PCM1: variants seen among roughly 807,000 people sequenced by gnomAD.
The protein encoded by PCM1 is pericentriolar material 1 protein.
In PCM1, 157 loss-of-function variants were observed where a neutral mutation model predicts 241.9. The ratio of observed to expected loss-of-function variants is 0.65; its 90% CI spans 0.57 to 0.74. The LOEUF (loss-of-function observed/expected upper bound fraction) is 0.74. Ranked by LOEUF, PCM1 falls within the 30% of genes least tolerant of loss-of-function variation. The pLI, the probability that PCM1 is intolerant of heterozygous loss-of-function variation, is 0.00. For missense variants in PCM1, 3,478 were observed against 2,360.1 expected, an observed-to-expected ratio of 1.47 and a Z score of -9.81; for synonymous variants, 1,085 against 784.9, an observed-to-expected ratio of 1.38 and a Z score of -6.39.
intron 2 of PCM1, among the ~76,000 whole-genome samples, chr8:17,928,264 A>G (rs2129446124): frequency 6.6e-6 from 1 of 152,362 alleles, no homozygotes; most frequent in African/African-American, 2.4e-5. Flanking sequence ...TATGTGTTAT[A>G]TGAGTGAATA....
At position 17,991,557 on chromosome 8, in the gene PCM1, A is replaced by G; in HGVS notation, c.4547A>G (p.His1516Arg). The stretch of plus-strand genomic sequence containing the variant: ...CCAAATGTAGGTAACACCGTGATTC[A>G]CTTAGATCAAGCATTAGCCAGAATG... ...ATDDLGNTVI[H>R]LDQALARMRE... The change falls in exon 28 of 39, where the codon CAC (histidine) becomes CGC (arginine). Residue 1516 changes from histidine to arginine, a missense_variant. Transcript: ENST00000325083. The G allele has an allele frequency of 6.2e-7, 1 of 1,601,688 alleles. No homozygotes were observed. The highest frequency in any genetic ancestry group is 8.5e-7 in the Non-Finnish European group (1 of 1,173,622).
At chr8:18,018,735 C>T (rs1226541838) in intron 36 of PCM1, among the ~76,000 whole-genome samples, 3 of 150,232 alleles carry the variant, frequency 2.0e-5, no homozygotes, top group Admixed American at 6.7e-5. Flanking sequence ...CGCTTGAACC[C>T]GGGAGGTGGA....
chr8:18,017,267 T>C (rs1479938790), intron 36 of PCM1, among the ~76,000 whole-genome samples: 2 of 152,216 alleles, frequency 1.3e-5, no homozygotes, highest in African/African-American at 2.4e-5. Context: ...AACATTCTGG[T>C]CTTAAAATAC....
intron 20 of PCM1, 133 bp from the exon 21 acceptor site, chr8:17,966,847 C>T (rs1443170685): frequency 1.6e-5 from 12 of 766,250 alleles, no homozygotes; most frequent in African/African-American, 5.3e-5. Context: ...AGAGCAAGCA[C>T]GTATTTGTTA....
chr8:18,001,442 A>G (rs1180734665), intron 29 of PCM1, among the ~76,000 whole-genome samples: 1 of 152,208 alleles, frequency 6.6e-6, no homozygotes, highest in Admixed American at 6.5e-5. Flanking sequence ...TAACCAGTTT[A>G]TATTCCCATC....
chr8:17,992,251 C>T (rs946398732), intron 28 of PCM1, among the ~76,000 whole-genome samples: 4 of 152,124 alleles, frequency 2.6e-5, no homozygotes, highest in African/African-American at 9.7e-5. Context: ...TTCTTCTGGG[C>T]AGATACCTAG....
intron 36 of PCM1, among the ~76,000 whole-genome samples, chr8:18,018,911 T>TATATAA (rs748291486): frequency 3.8e-4 from 47 of 125,124 alleles, no homozygotes; most frequent in Admixed American, 8.8e-4. Context: ...TATATATATA[T>TATATAA]AAATATATAA....
rs1167046456 is a variant in PCM1 at position 17,961,924 on chromosome 8, A to G, written c.2323-110A>G. On this transcript the variant is annotated intron_variant, in intron 15 of 38. Coordinates refer to ENST00000325083, the MANE Select transcript of PCM1 (RefSeq NM_006197.4). ...ATGATGGAAGTCAGGGTCTGATAGCAGATTAAATATGGCACTAGAGCCTTA... is the reference window on the plus strand; with the variant it reads ...ATGATGGAAGTCAGGGTCTGATAGCGGATTAAATATGGCACTAGAGCCTTA... 6 of 790,288 alleles carry G rather than the reference A, an allele frequency of 7.6e-6. No individual in the cohort carries two copies. In the East Asian group the frequency reaches 1.8e-4, roughly 23 times the overall value. 49.0% of individuals were successfully genotyped at this position (790,288 alleles called of 1,614,324 possible). A position where few individuals can be genotyped will look rare whatever the true frequency, so the allele number is the denominator to read the frequency against.
At chr8:17,974,468 A>G (rs777422277) in intron 23 of PCM1, among the ~76,000 whole-genome samples, 1 of 152,208 alleles carries the variant, frequency 6.6e-6, no homozygotes. Flanking sequence ...CCTTAGGAAT[A>G]CAGTTTTAAG....
At chr8:17,940,040 A>G in intron 6 of PCM1, 179 bp downstream of exon 6, 1 of 1,544,586 alleles carries the variant, frequency 6.5e-7, no homozygotes, top group Non-Finnish European at 8.8e-7. Context: ...AAAATATTTC[A>G]GGCTAGAGAA....
At chr8:17,950,384 C>T (rs146112481) in intron 7 of PCM1, among the ~76,000 whole-genome samples, 247 of 152,294 alleles carry the variant, frequency 1.6e-3, no homozygotes, top group African/African-American at 5.5e-3. Context: ...TATGTTGGGA[C>T]AGGAAAAGAT....
intron 2 of PCM1, among the ~76,000 whole-genome samples, chr8:17,930,390 A>G (rs1486913539): frequency 6.6e-6 from 1 of 151,698 alleles, no homozygotes; most frequent in Non-Finnish European, 1.5e-5. Context: ...GGCGTGAGCC[A>G]CTGCGCCTGA....
At chr8:17,945,658 T>C (rs1049146996) in intron 6 of PCM1, among the ~76,000 whole-genome samples, 20 of 152,188 alleles carry the variant, frequency 1.3e-4, no homozygotes, top group African/African-American at 4.8e-4. Context: ...TGAGTTCTAC[T>C]TGGGGAGGTA....
In PCM1 at chr8:17,950,832, G is replaced by C. The variant is rs116436186; in HGVS notation, c.1071+108G>C. ...TATCACCTGGCATGATTGTTGAGCAGTGTAGGTTTCTGATTGGTGGGGTCC... is the reference window on the plus strand; with the variant it reads ...TATCACCTGGCATGATTGTTGAGCACTGTAGGTTTCTGATTGGTGGGGTCC... On this transcript the variant is annotated intron_variant, in intron 8 of 38. Transcript: ENST00000325083. The C allele has an allele frequency of 2.3e-3, 1,594 of 702,670 alleles. 21 individuals are homozygous for C. In the African/African-American group the frequency reaches 0.026, roughly 11 times the overall value. 43.5% of individuals were successfully genotyped at this position (702,670 alleles called of 1,614,324 possible). A position where few individuals can be genotyped will look rare whatever the true frequency, so the allele number is the denominator to read the frequency against.
At chr8:17,930,955 T>A (rs1049219599) in intron 2 of PCM1, among the ~76,000 whole-genome samples, 14 of 152,342 alleles carry the variant, frequency 9.2e-5, no homozygotes, top group African/African-American at 3.4e-4. Flanking sequence ...TTTAAAGGCA[T>A]ACTAATGCTG....
chr8:18,026,413 A>C (rs147339416), intron 38 of PCM1, among the ~76,000 whole-genome samples: 75 of 150,600 alleles, frequency 5.0e-4, no homozygotes, highest in African/African-American at 1.7e-3. Flanking sequence ...GCCCGCCACC[A>C]CGCCTGGCTG....
intron 23 of PCM1, among the ~76,000 whole-genome samples, chr8:17,973,636 G>C (rs1367012301): frequency 1.3e-5 from 2 of 151,486 alleles, no homozygotes; most frequent in Non-Finnish European, 1.5e-5. Context: ...AGAATCGCTT[G>C]AACCTGGGAG....
chr8:18,001,176 G>C (rs144432031), intron 29 of PCM1, among the ~76,000 whole-genome samples: 3 of 152,332 alleles, frequency 2.0e-5, no homozygotes, highest in African/African-American at 7.2e-5. Flanking sequence ...CAAGGAGTTA[G>C]TTATGTTGAT....
rs2080028862 is a variant in PCM1, at chr8:17,979,678, A to G, written c.3944-913A>G. 1.3e-5 allele frequency among the ~76,000 whole-genome samples: 2 copies of G among 152,228 alleles called. 1 individual carries two copies. The highest frequency in any genetic ancestry group is 4.8e-5 in the African/African-American group (2 of 41,464). ...ATATAAAAACATAACCATGTTCTTA[A>G]GATGGAAAAGATGGAAATGCATAAG... On this transcript the variant is annotated intron_variant, in intron 23 of 38. Coordinates refer to ENST00000325083, the MANE Select transcript of PCM1 (RefSeq NM_006197.4).
Sources: gnomAD v4.1 joint callset for allele counts (sites outside exome capture counted in the v4.1 genomes callset) on GRCh38, gnomAD v4.1.1 for gene constraint, MANE v1.5 for transcripts, NCBI Gene and HGNC (gene_info 2026-07-23, HGNC 2026-07-21) for gene names.